MUC4: variants seen among roughly 807,000 people sequenced by gnomAD.
The protein encoded by MUC4 is mucin 4, cell surface associated.
Under a neutral mutation model 257.9 loss-of-function variants are expected in MUC4, and 202 were observed. The observed-to-expected ratio is 0.78, with a 90% CI of 0.70 to 0.88. The LOEUF (loss-of-function observed/expected upper bound fraction) is 0.88. Ranked by LOEUF, MUC4 falls within the 40% of genes least tolerant of loss-of-function variation. MUC4 has a pLI of 0.00. For missense variants in MUC4, 5,976 were observed against 6,513.7 expected, an observed-to-expected ratio of 0.92 and a Z score of 2.84; for synonymous variants, 2,351 against 2,757.1, an observed-to-expected ratio of 0.85 and a Z score of 4.62.
chr3:195,766,619 G>A (rs369434881), intron 8 of MUC4, 44 bp downstream of exon 8: 105 of 1,571,330 alleles, frequency 6.7e-5, no homozygotes, highest in Non-Finnish European at 8.8e-5. Flanking sequence ...GAGGACACGC[G>A]AGGGCTTGAG....
chr3:195,767,633 CCACCACCA>C (rs1721303049), intron 7 of MUC4, among the ~76,000 whole-genome samples: 3 of 113,502 alleles, frequency 2.6e-5, no homozygotes, highest in Non-Finnish European at 3.4e-5. Flanking sequence ...ACCACCATCA[CCACCACCA>C]TCGCCACCAC....
At chr3:195,798,732 A>G (rs574404663) in intron 1 of MUC4, among the ~76,000 whole-genome samples, 1 of 152,290 alleles carries the variant, frequency 6.6e-6, no homozygotes, top group East Asian at 1.9e-4. Context: ...TAAAAAATAT[A>G]TATGTATAGT....
intron 7 of MUC4, among the ~76,000 whole-genome samples, chr3:195,768,682 C>T (rs1722145371): frequency 6.6e-6 from 1 of 152,126 alleles, no homozygotes; most frequent in Admixed American, 6.5e-5. Context: ...GTAATGTACA[C>T]GAAGTGTTAG....
At position 195,781,708 on chromosome 3, in the gene MUC4, G is replaced by C; in HGVS notation, c.9872C>G (p.Thr3291Arg). ...LPVTDTSSSS[T>R]GDTTPLLVTE... The stretch of plus-strand genomic sequence containing the variant: ...GACAAGAAGAGGGGTGGTGTCACCT[G>C]TGGATGATGAGGAAGTGTCGGTGAC... Residue 3291 changes from threonine (T) to arginine (R), a missense_variant, in exon 2 of 25, where the codon ACA becomes AGA. Thr to Arg is a moderately conservative substitution (Grantham distance 71). Transcript: ENST00000463781. 6.7e-7 allele frequency: 1 copy of C among 1,494,456 alleles called. No individual in the cohort carries two copies. The highest frequency in any genetic ancestry group is 2.5e-5 in the East Asian group (1 of 40,116). 92.6% of individuals were successfully genotyped at this position (1,494,456 alleles called of 1,614,324 possible). A position where few individuals can be genotyped will look rare whatever the true frequency, so the allele number is the denominator to read the frequency against.
intron 1 of MUC4, among the ~76,000 whole-genome samples, chr3:195,807,852 G>A (rs1460986620): frequency 1.3e-5 from 2 of 152,236 alleles, no homozygotes; most frequent in Admixed American, 1.3e-4. Flanking sequence ...TAGCAATGAA[G>A]ACACAAATCA....
In MUC4 at chr3:195,791,243, T is replaced by C. The variant is rs937542521; in HGVS notation, c.337A>G (p.Thr113Ala). ...SSPSVHNVME[T>A]APPDEMTTSF... ...GTGGTCATTTCATCTGGAGGAGCTG[T>C]CTCCATCACATTGTGTACACTTGGG... Residue 113 changes from threonine to alanine, a missense_variant, in exon 2 of 25, where the codon ACA (threonine) becomes GCA (alanine). Transcript: ENST00000463781. 1 of 1,613,220 alleles carries C rather than the reference T, an allele frequency of 6.2e-7. No homozygotes were observed. The highest frequency in any genetic ancestry group is 1.3e-5 in the African/African-American group (1 of 74,774).
rs1438853873 is a variant in MUC4, at chr3:195,757,749, AC to A, written c.14987-422del. Among the ~76,000 whole-genome samples, 3 of 150,528 alleles carry A rather than the reference AC, an allele frequency of 2.0e-5. No individual in the cohort carries two copies. The highest frequency in any genetic ancestry group is 7.3e-5 in the African/African-American group (3 of 40,826). ...CATCCTTTGCCCTGATTTCTCACCC[AC>A]CCCCCACTTCCTGGACCTTTCCCAG... On this transcript the variant is annotated intron_variant, in intron 17 of 24. Coordinates refer to ENST00000463781, the MANE Select transcript of MUC4 (RefSeq NM_018406.7). This position sits in a 1 kb window ranked among gnomAD's most constrained non-coding sequence, Gnocchi z 4.8.
intron 1 of MUC4, among the ~76,000 whole-genome samples, chr3:195,792,449 C>T (rs1733983575): frequency 6.6e-6 from 1 of 152,166 alleles, no homozygotes; most frequent in African/African-American, 2.4e-5. Context: ...TCACACCACT[C>T]AGAATGGCAA....
At chr3:195,768,475 A>G (rs868268316) in intron 7 of MUC4, among the ~76,000 whole-genome samples, 1 of 152,122 alleles carries the variant, frequency 6.6e-6, no homozygotes, top group Non-Finnish European at 1.5e-5. Context: ...TGCCCCCTGG[A>G]TAAGTGGGTA....
intron 1 of MUC4, among the ~76,000 whole-genome samples, chr3:195,794,469 G>T (rs1386438498): frequency 1.3e-5 from 2 of 152,108 alleles, no homozygotes; most frequent in African/African-American, 4.8e-5. Flanking sequence ...CTGAAGTTCA[G>T]CGGTGTAATT....
intron 16 of MUC4, among the ~76,000 whole-genome samples, chr3:195,760,383 C>T (rs1379984711): frequency 1.3e-5 from 2 of 152,108 alleles, no homozygotes; most frequent in African/African-American, 2.4e-5. Flanking sequence ...GAGAACAGCA[C>T]GTGTGAAGCC....
chr3:195,786,633 A>C lies in MUC4; in HGVS notation c.4947T>G (p.Leu1649=), dbSNP rs1291964029. The part of the protein sequence containing the change: ...SSLSTGHATP[L]HVTSPSSAST... The stretch of plus-strand genomic sequence containing the variant: ...ATGCTGAGGAAGGGCTGGTGACATG[A>C]AGAGGGGTGGCGTGACCTGTGGATA... The change falls in exon 2 of 25, where the codon CTT becomes CTG. Residue 1649 remains leucine (L), a synonymous_variant. Coordinates refer to ENST00000463781, the MANE Select transcript of MUC4 (RefSeq NM_018406.7). 4 of 1,530,454 alleles carry C rather than the reference A, an allele frequency of 2.6e-6. No individual in the cohort carries two copies. Among genetic ancestry groups the C allele is most frequent in the Non-Finnish European group, 2.6e-6 (3 of 1,136,276 alleles). The allele number at this position is 1,530,454 out of a possible 1,614,324, so 94.8% of individuals were successfully genotyped here. A position where few individuals can be genotyped will look rare whatever the true frequency, so the allele number is the denominator to read the frequency against.
intron 24 of MUC4, among the ~76,000 whole-genome samples, 187 bp downstream of exon 24, chr3:195,748,715 A>G (rs1577909774): frequency 6.6e-6 from 1 of 152,270 alleles, no homozygotes; most frequent in African/African-American, 2.4e-5. Context: ...TTTGGGTTTC[A>G]GAGTTTGTAA....
At chr3:195,805,222 G>A (rs941334297) in intron 1 of MUC4, among the ~76,000 whole-genome samples, 10 of 152,066 alleles carry the variant, frequency 6.6e-5, no homozygotes, top group African/African-American at 2.4e-4. Flanking sequence ...GATCCCCGCC[G>A]AAGTCACACC....
intron 8 of MUC4, among the ~76,000 whole-genome samples, chr3:195,765,892 C>T (rs1023797955): frequency 8.5e-5 from 13 of 152,088 alleles, no homozygotes; most frequent in African/African-American, 1.9e-4. Context: ...GCTGTTAGCA[C>T]GGTGTCCAGC....
intron 3 of MUC4, among the ~76,000 whole-genome samples, chr3:195,775,469 GTCATACCTTCCACACCCATACCTTCCACA>G (rs1560283726): frequency 0.14 from 2,838 of 20,810 alleles, 224 homozygotes; most frequent in African/African-American, 0.24. Context: ...ACCTTCCACA[GTCATACCTTCCACACCCATACCTTCCACA>G]GCCATACCTT....
At chr3:195,809,347 T>A (rs933265130) in intron 1 of MUC4, among the ~76,000 whole-genome samples, 43 of 152,280 alleles carry the variant, frequency 2.8e-4, no homozygotes, top group African/African-American at 9.4e-4. Context: ...AGGCAGGTCA[T>A]CTGTAAACCC....
chr3:195,771,178 T>TCCTGGTCAGTCTCGTGGCC (rs1560273559), intron 5 of MUC4, among the ~76,000 whole-genome samples: 17 of 29,726 alleles, frequency 5.7e-4, no homozygotes, highest in African/African-American at 2.8e-3. Context: ...GTCTCGTGGT[T>TCCTGGTCAGTCTCGTGGCC]GGGTTGGGGT....
chr3:195,788,779 G>C lies in MUC4; in HGVS notation c.2801C>G (p.Thr934Arg). Residue 934 changes from threonine to arginine, a missense_variant, in exon 2 of 25, where the codon ACA becomes AGA. By Grantham distance (71) the Thr-to-Arg change is moderately conservative (BLOSUM62 -1). Coordinates refer to ENST00000463781, the MANE Select transcript of MUC4 (RefSeq NM_018406.7). ...LASQATDTFS[T>R]VPPTPPSITS... ...GATCGATGGAGGTGTGGGTGGGACT[G>C]TTGAGAAGGTGTCGGTTGCCTGGGA... The C allele has an allele frequency of 6.2e-7, 1 of 1,613,966 alleles. No homozygotes were observed. The highest frequency in any genetic ancestry group is 1.3e-5 in the African/African-American group (1 of 75,036).
Sources: allele counts gnomAD v4.1 joint callset (sites outside exome capture counted in the v4.1 genomes callset), GRCh38; gene constraint gnomAD v4.1.1; non-coding constraint Gnocchi (gnomAD v3.1); transcripts MANE v1.5; gene names NCBI Gene and HGNC (gene_info 2026-07-23, HGNC 2026-07-21).